The following GID4 variants were observed in gnomAD, a reference collection of about 807,000 sequenced individuals.
GID4 encodes the protein glucose-induced degradation protein 4 homolog.
Under a neutral mutation model 32.4 loss-of-function variants are expected in GID4, and 7 were observed. The ratio of observed to expected loss-of-function variants is 0.22; its 90% CI spans 0.12 to 0.41. The LOEUF is 0.41. Ranked by LOEUF, GID4 falls within the 10% of genes least tolerant of loss-of-function variation. The probability of loss-of-function intolerance (pLI) is 1.00; values close to 1 mark genes in which losing one functional copy is unlikely to be tolerated. For synonymous variants in GID4, 166 were observed against 170.0 expected, an observed-to-expected ratio of 0.98 and a Z score of 0.18; for missense variants, 309 against 400.0, an observed-to-expected ratio of 0.77 and a Z score of 1.94.
rs1314671213 is a variant in GID4 at position 18,065,221 on chromosome 17, C to T, written c.881C>T (p.Ala294Val). 1.2e-6 allele frequency: 2 copies of T among 1,613,654 alleles called. No individual in the cohort carries two copies. The highest frequency in any genetic ancestry group is 2.2e-5 in the East Asian group (1 of 44,902). ...CTAACCCATGTTCCTGAACACAGTG[C>T]ACCCATCTATGAATTCCGGTGACAA... ...LNLTHVPEHS[A>V]PIYEFR is the part of the protein sequence containing the mutation. Residue 294 changes from alanine to valine, a missense_variant, in exon 6 of 6, where the codon GCA becomes GTA. Ala to Val is a moderately conservative substitution (Grantham distance 64, BLOSUM62 0). Around this residue, in one of 2 missense-constraint regions of GID4, gnomAD observed 116 missense variants for 214.2 expected, o/e 0.54. Transcript: ENST00000268719.
In GID4 at chr17:18,067,548, T is replaced by A. The variant is rs1238726412; in HGVS notation, c.*2305T>A. 1 of 152,640 alleles carries A rather than the reference T, an allele frequency of 6.6e-6. No individual in the cohort carries two copies. Among genetic ancestry groups the A allele is most frequent in the African/African-American group, 2.4e-5 (1 of 41,458 alleles). The allele number at this position is 152,640 out of a possible 1,614,324, so 9.5% of individuals were successfully genotyped here. A position where few individuals can be genotyped will look rare whatever the true frequency, so the allele number is the denominator to read the frequency against. On this transcript the variant is annotated 3_prime_UTR_variant, in exon 6 of 6. Coordinates refer to ENST00000268719, the MANE Select transcript of GID4 (RefSeq NM_024052.5). ...TTTGTTCATTTAAAAGTCTGCCCAC[T>A]GAGGATAGGGAAAGGATTAAGGATT...
Position 18,056,644 on chromosome 17 carries a change from T to C in GID4, c.607-2224T>C, listed in dbSNP as rs943983863. On this transcript the variant is annotated intron_variant, in intron 3 of 5. Coordinates refer to ENST00000268719, the MANE Select transcript of GID4 (RefSeq NM_024052.5). ...CAGTGACACTCAGTTTTAGGCTAGG[T>C]TGACTACAAATTAAATACTTGGAAA... 1.7e-5 allele frequency: 25 copies of C among 1,513,208 alleles called. No individual in the cohort carries two copies. In the Admixed American group the frequency reaches 2.4e-4, roughly 15 times the overall value. The allele number at this position is 1,513,208 out of a possible 1,614,324, so 93.7% of individuals were successfully genotyped here. A position where few individuals can be genotyped will look rare whatever the true frequency, so the allele number is the denominator to read the frequency against.
chr17:18,061,907 C>T lies in GID4; in HGVS notation c.771C>T (p.Phe257=). 6.2e-7 allele frequency: 1 copy of T among 1,613,972 alleles called. No individual in the cohort carries two copies. The highest frequency in any genetic ancestry group is 8.5e-7 in the Non-Finnish European group (1 of 1,179,902). Residue 257 remains phenylalanine, a synonymous_variant, in exon 5 of 6, where the codon TTC becomes TTT. Coordinates refer to ENST00000268719, the MANE Select transcript of GID4 (RefSeq NM_024052.5). The surrounding 1 kb of genome is among the most constrained non-coding windows in gnomAD (Gnocchi z 4.4). ...KDISGASFAG[F]YYICFQKSAA... ...TCAGTGGTGCTTCTTTTGCCGGGTT[C>T]TACTACATCTGCTTTCAGAAGTCAG... is the stretch of plus-strand genomic sequence containing the variant.
At chr17:18,055,690 A>G (rs1025694217) in intron 3 of GID4, among the ~76,000 whole-genome samples, 30 of 151,958 alleles carry the variant, frequency 2.0e-4, no homozygotes, top group Non-Finnish European at 2.4e-4. Flanking sequence ...GAGTCTCCCT[A>G]TGTTACCCAG....
At chr17:18,046,076 G>T (rs2145552691) in intron 2 of GID4, among the ~76,000 whole-genome samples, 1 of 152,300 alleles carries the variant, frequency 6.6e-6, no homozygotes, top group Non-Finnish European at 1.5e-5. Flanking sequence ...GAAGTGGAAG[G>T]AGGTAGCTGG....
chr17:18,054,216 T>C lies in GID4; in HGVS notation c.588T>C (p.Asp196=). ...CTCGCAAGTGGGATGCAGATGAAGA[T>C]GTTGATCGGAAACACTGGGTGAGTA... ...FLTRKWDADE[D]VDRKHWGKFL... Residue 196 remains aspartate (D), a synonymous_variant, in exon 3 of 6, where the codon GAT becomes GAC. Transcript: ENST00000268719. 4 of 1,608,410 alleles carry C rather than the reference T, an allele frequency of 2.5e-6. No homozygotes were observed. Among genetic ancestry groups the C allele is most frequent in the Non-Finnish European group, 3.4e-6 (4 of 1,175,024 alleles).
intron 1 of GID4, among the ~76,000 whole-genome samples, chr17:18,043,275 G>C (rs903403188): frequency 6.6e-6 from 1 of 152,196 alleles, no homozygotes; most frequent in South Asian, 2.1e-4. Flanking sequence ...AGAGACGCTT[G>C]GTTGAATGGA....
intron 1 of GID4, among the ~76,000 whole-genome samples, chr17:18,042,721 T>A (rs1300856132): frequency 6.6e-6 from 1 of 152,238 alleles, no homozygotes; most frequent in Non-Finnish European, 1.5e-5. Context: ...TTTAACATTT[T>A]GAGAAACTGG....
chr17:18,057,096 A>G (rs780543607), intron 3 of GID4: 168 of 1,489,638 alleles, frequency 1.1e-4, no homozygotes, highest in Non-Finnish European at 1.4e-4. Flanking sequence ...TAGTGGTACT[A>G]TAAAGTCAGG....
At chr17:18,044,708 T>G in intron 1 of GID4, among the ~76,000 whole-genome samples, 1 of 152,182 alleles carries the variant, frequency 6.6e-6, no homozygotes, top group Admixed American at 6.5e-5. Flanking sequence ...GACCAATGAT[T>G]GAGCAATACA....
chr17:18,061,783 G>A lies in GID4; in HGVS notation c.709-62G>A. The A allele has an allele frequency of 3.9e-6, 6 of 1,552,102 alleles. No homozygotes were observed. In the South Asian group the frequency reaches 6.7e-5, roughly 17 times the overall value. On this transcript the variant is annotated intron_variant, in intron 4 of 5. Transcript: ENST00000268719. This position sits in a 1 kb window ranked among gnomAD's most constrained non-coding sequence, Gnocchi z 4.4. ...CCTTAGAACCCCCTGATGCTTAACAGGGAGGCCCCGTGGGTGGTCAGAGAA... is the reference window on the plus strand; with the variant it reads ...CCTTAGAACCCCCTGATGCTTAACAAGGAGGCCCCGTGGGTGGTCAGAGAA...
intron 4 of GID4, among the ~76,000 whole-genome samples, chr17:18,060,400 C>CAAAAA (rs919974638): frequency 4.2e-4 from 19 of 45,580 alleles, no homozygotes; most frequent in East Asian, 6.6e-4. Flanking sequence ...TCTGTCTCAC[C>CAAAAA]AAAAAAAAAA....
In GID4 at chr17:18,064,911, C is replaced by T. The variant is rs1271475601; in HGVS notation, c.840-269C>T. Among the ~76,000 whole-genome samples, 3 of 151,948 alleles carry T rather than the reference C, an allele frequency of 2.0e-5. 1 individual carries two copies. The highest frequency in any genetic ancestry group is 2.0e-4 in the Admixed American group (3 of 15,258). ...CTTCTCCCACAGCTTATTGAGGTCT[C>T]CTTTTTATAAAACATACCATAGTTA... On this transcript the variant is annotated intron_variant, in intron 5 of 5. Transcript: ENST00000268719.
intron 5 of GID4, among the ~76,000 whole-genome samples, chr17:18,063,715 A>G (rs865827436): frequency 2.0e-5 from 3 of 152,046 alleles, no homozygotes; most frequent in Non-Finnish European, 4.4e-5. Flanking sequence ...CTTCTTTTTT[A>G]TTGCCAATTA....
In GID4 at chr17:18,054,123, A is replaced by G. The variant is rs1352354286; in HGVS notation, c.499-4A>G. On this transcript the variant is annotated splice_region_variant and splice_polypyrimidine_tract_variant and intron_variant, in intron 2 of 5. Transcript: ENST00000268719. ...TTATTTTGATATTTGGGTTTTTACC[A>G]TAGGAGTATCCAACCCTTACAACCT... 1.9e-6 allele frequency: 3 copies of G among 1,539,168 alleles called. No homozygotes were observed. The highest frequency in any genetic ancestry group is 2.3e-5 in the South Asian group (2 of 88,578).
chr17:18,046,922 CAAAA>C (rs71155311), intron 2 of GID4, among the ~76,000 whole-genome samples: 15,178 of 115,782 alleles, frequency 0.13, 915 homozygotes, highest in Non-Finnish European at 0.17. Flanking sequence ...AACTTTGTCT[CAAAA>C]AAAAAAAAAA....
chr17:18,053,291 G>A (rs2044932094), intron 2 of GID4, among the ~76,000 whole-genome samples: 1 of 150,406 alleles, frequency 6.6e-6, no homozygotes, highest in Admixed American at 6.6e-5. Flanking sequence ...GGGATTACAG[G>A]CGTGAGCCAC....
At chr17:18,058,027 G>T (rs573996358) in intron 3 of GID4, among the ~76,000 whole-genome samples, 215 of 152,244 alleles carry the variant, frequency 1.4e-3, no homozygotes, top group Middle Eastern at 0.01. Context: ...TAGAGACAGG[G>T]TTTCATCGTG....
chr17:18,046,922 CAAAAA>C (rs71155311), intron 2 of GID4, among the ~76,000 whole-genome samples: 104 of 115,756 alleles, frequency 9.0e-4, no homozygotes, highest in Non-Finnish European at 1.2e-3. Context: ...AACTTTGTCT[CAAAAA>C]AAAAAAAAAA....
Sources: allele counts gnomAD v4.1 joint callset (sites outside exome capture counted in the v4.1 genomes callset), GRCh38; gene constraint gnomAD v4.1.1; regional missense constraint gnomAD v4.1.1; non-coding constraint Gnocchi (gnomAD v3.1); transcripts MANE v1.5; gene names NCBI Gene and HGNC (gene_info 2026-07-23, HGNC 2026-07-21).